CACNA2D3: variants seen among roughly 807,000 people sequenced by gnomAD.
CACNA2D3 encodes the protein voltage-dependent calcium channel subunit alpha-2/delta-3.
In CACNA2D3, 60 loss-of-function variants were observed where a neutral mutation model predicts 160.6. That is an observed-to-expected ratio of 0.37 (90% CI 0.30 to 0.46). The LOEUF (loss-of-function observed/expected upper bound fraction) is 0.46. Ranked by LOEUF, CACNA2D3 falls within the 20% of genes least tolerant of loss-of-function variation. The pLI is 1.00. For missense variants in CACNA2D3, 1,205 were observed against 1,365.0 expected (o/e 0.88, Z 1.85); for synonymous variants, 558 against 492.9 (o/e 1.13, Z -1.75).
intron 16 of CACNA2D3, among the ~76,000 whole-genome samples, chr3:54,840,824 G>A (rs866614221): frequency 1.6e-4 from 24 of 148,162 alleles, no homozygotes; most frequent in Admixed American, 1.0e-3. Flanking sequence ...CTGGGTTCAC[G>A]CCATTCTCCT....
intron 27 of CACNA2D3, among the ~76,000 whole-genome samples, chr3:54,934,679 G>A (rs1526583): frequency 0.19 from 29,644 of 152,100 alleles, 3,668 homozygotes; most frequent in African/African-American, 0.35. Flanking sequence ...AAAAGATATT[G>A]CATACTGGTT....
intron 31 of CACNA2D3, among the ~76,000 whole-genome samples, chr3:55,001,947 A>C (rs1702987439): frequency 6.6e-6 from 1 of 152,202 alleles, no homozygotes; most frequent in South Asian, 2.1e-4. Context: ...TCACAAGGTC[A>C]GGAGTTCGAG....
intron 11 of CACNA2D3, among the ~76,000 whole-genome samples, chr3:54,651,387 G>A (rs573420264): frequency 7.1e-4 from 107 of 150,270 alleles, no homozygotes; most frequent in African/African-American, 2.4e-3. Context: ...TGCGATTTCC[G>A]TGCTGTGTAC....
intron 3 of CACNA2D3, among the ~76,000 whole-genome samples, chr3:54,325,756 G>A (rs564711419): frequency 6.6e-6 from 1 of 152,286 alleles, no homozygotes; most frequent in Admixed American, 6.5e-5. Flanking sequence ...TAAAACACAA[G>A]TTGTAGCTAG....
chr3:54,859,332 G>T (rs954586702), intron 17 of CACNA2D3, among the ~76,000 whole-genome samples: 4 of 152,276 alleles, frequency 2.6e-5, no homozygotes, highest in Admixed American at 1.3e-4. Context: ...TGCTCCAACC[G>T]TGACACACTT....
chr3:54,345,632 G>A (rs1461766753), intron 3 of CACNA2D3, among the ~76,000 whole-genome samples: 3 of 152,134 alleles, frequency 2.0e-5, no homozygotes, highest in African/African-American at 7.2e-5. Flanking sequence ...GAGGCATCAA[G>A]GAGAACAGGA....
chr3:54,932,422 G>C (rs1043190524), intron 27 of CACNA2D3, among the ~76,000 whole-genome samples: 6 of 152,148 alleles, frequency 3.9e-5, no homozygotes, highest in African/African-American at 1.4e-4. Context: ...TGATTACTTG[G>C]AGGGGAGACT....
chr3:54,439,809 C>A (rs1700115324), intron 4 of CACNA2D3, among the ~76,000 whole-genome samples: 1 of 152,164 alleles, frequency 6.6e-6, no homozygotes, highest in African/African-American at 2.4e-5. Flanking sequence ...AAAGGGGGAA[C>A]CAGCTCTCAC....
At chr3:54,289,755 A>G (rs1023643912) in intron 2 of CACNA2D3, among the ~76,000 whole-genome samples, 50 of 152,316 alleles carry the variant, frequency 3.3e-4, no homozygotes, top group African/African-American at 1.0e-3. Flanking sequence ...ATAATGCCGC[A>G]TATCTACAAC....
chr3:54,482,126 T>C (rs1386231774), intron 4 of CACNA2D3, among the ~76,000 whole-genome samples: 5 of 152,238 alleles, frequency 3.3e-5, no homozygotes, highest in Non-Finnish European at 5.9e-5. Flanking sequence ...CTTTCCATAA[T>C]AATTGAAGCA....
At chr3:54,973,873 G>C (rs1267659642) in intron 29 of CACNA2D3, among the ~76,000 whole-genome samples, 2 of 152,188 alleles carry the variant, frequency 1.3e-5, no homozygotes, top group Non-Finnish European at 2.9e-5. Flanking sequence ...ATTAGGGATT[G>C]GATCATGAGA....
intron 5 of CACNA2D3, among the ~76,000 whole-genome samples, chr3:54,526,397 G>A (rs1403115814): frequency 6.6e-6 from 1 of 151,902 alleles, no homozygotes; most frequent in Non-Finnish European, 1.5e-5. Flanking sequence ...CCTATTTTTT[G>A]CATGTCTTGT....
chr3:54,829,231 A>T (rs762515988), intron 14 of CACNA2D3, among the ~76,000 whole-genome samples: 1 of 152,128 alleles, frequency 6.6e-6, no homozygotes, highest in Non-Finnish European at 1.5e-5. Context: ...TCTTCCTCCA[A>T]AAGGTGTCTG....
At chr3:54,218,647 G>A (rs751086336) in intron 2 of CACNA2D3, among the ~76,000 whole-genome samples, 2 of 152,188 alleles carry the variant, frequency 1.3e-5, no homozygotes, top group Non-Finnish European at 2.9e-5. Context: ...CACAAACCTA[G>A]TGGCTTAAAG....
intron 5 of CACNA2D3, among the ~76,000 whole-genome samples, chr3:54,536,099 T>A (rs1701885080): frequency 6.6e-6 from 1 of 152,224 alleles, no homozygotes. Flanking sequence ...TCTACTTGAA[T>A]CACCCTAAAG....
chr3:54,414,794 C>T (rs1473694136), intron 4 of CACNA2D3, among the ~76,000 whole-genome samples: 1 of 135,198 alleles, frequency 7.4e-6, no homozygotes, highest in Non-Finnish European at 1.6e-5. Context: ...TTTTATTATT[C>T]TTTTAACTTT....
intron 2 of CACNA2D3, among the ~76,000 whole-genome samples, chr3:54,242,663 A>G (rs1701994621): frequency 6.6e-6 from 1 of 152,168 alleles, no homozygotes; most frequent in South Asian, 2.1e-4. Context: ...TACGCCCGAC[A>G]AAGAGACGAT....
At chr3:54,852,284 T>C (rs1363958069) in intron 17 of CACNA2D3, among the ~76,000 whole-genome samples, 2 of 152,222 alleles carry the variant, frequency 1.3e-5, no homozygotes, top group East Asian at 3.9e-4. Context: ...TCTAGCCATG[T>C]AGGTTCACCC....
intron 11 of CACNA2D3, among the ~76,000 whole-genome samples, chr3:54,657,995 G>A (rs1699904631): frequency 6.6e-6 from 1 of 152,204 alleles, no homozygotes; most frequent in Admixed American, 6.5e-5. Context: ...TCCTGCCTGA[G>A]CAACAGAGTG....
Sources: allele counts gnomAD v4.1 joint callset (sites outside exome capture counted in the v4.1 genomes callset), GRCh38; gene constraint gnomAD v4.1.1; transcripts MANE v1.5; gene names NCBI Gene and HGNC (gene_info 2026-07-23, HGNC 2026-07-21).